The following ADAMTSL1 variants were observed in gnomAD, a reference collection of about 807,000 sequenced individuals.
ADAMTSL1 encodes the protein ADAMTS-like protein 1.
In ADAMTSL1, 126 loss-of-function variants were observed where a neutral mutation model predicts 201.8. The observed-to-expected ratio is 0.62, with a 90% CI of 0.54 to 0.72. The LOEUF is 0.72. ADAMTSL1 is among the 30% of genes least tolerant of loss of function. The pLI is 0.00. For synonymous variants in ADAMTSL1, 1,121 were observed against 903.4 expected (o/e 1.24, Z -4.32); for missense variants, 2,679 against 2,277.8 (o/e 1.18, Z -3.59).
intron 2 of ADAMTSL1, among the ~76,000 whole-genome samples, chr9:18,224,528 GC>G (rs952536484): frequency 6.6e-6 from 1 of 151,836 alleles, no homozygotes; most frequent in Non-Finnish European, 1.5e-5. Flanking sequence ...TCTGCTGCTG[GC>G]CCCCCCAAAT....
chr9:18,528,485 G>A (rs1240598622), intron 2 of ADAMTSL1, among the ~76,000 whole-genome samples: 2 of 152,228 alleles, frequency 1.3e-5, no homozygotes, highest in East Asian at 3.9e-4. Context: ...CCATTAGTTT[G>A]CTGAGGATAA....
intron 14 of ADAMTSL1, among the ~76,000 whole-genome samples, chr9:18,711,169 T>C (rs1383110938): frequency 6.6e-6 from 1 of 152,240 alleles, no homozygotes; most frequent in Non-Finnish European, 1.5e-5. Flanking sequence ...GCACCCACTG[T>C]ATACATGACT....
intron 2 of ADAMTSL1, among the ~76,000 whole-genome samples, chr9:18,199,387 A>T (rs1829334221): frequency 6.6e-6 from 1 of 152,128 alleles, no homozygotes. Context: ...TATTGAAATA[A>T]TGAACCCATC....
chr9:18,399,327 A>ATATATATATT (rs1554672331), intron 2 of ADAMTSL1, among the ~76,000 whole-genome samples: 2 of 113,082 alleles, frequency 1.8e-5, no homozygotes, highest in African/African-American at 7.2e-5. Flanking sequence ...ATATATATAT[A>ATATATATATT]TAAAATTATT....
At chr9:17,981,551 G>A (rs1049339216) in intron 1 of ADAMTSL1, among the ~76,000 whole-genome samples, 6 of 152,014 alleles carry the variant, frequency 3.9e-5, no homozygotes, top group African/African-American at 9.7e-5. Flanking sequence ...AAAATTGTTC[G>A]AGTGAGCCAT....
At chr9:18,807,296 C>G (rs1588142628) in intron 20 of ADAMTSL1, among the ~76,000 whole-genome samples, 1 of 152,132 alleles carries the variant, frequency 6.6e-6, no homozygotes, top group Non-Finnish European at 1.5e-5. Flanking sequence ...TATAAATTAA[C>G]ACTATTCTGT....
Position 18,395,047 on chromosome 9 carries a change from C to T in ADAMTSL1, c.208-109782C>T, listed in dbSNP as rs541997642. On this transcript the variant is annotated intron_variant, in intron 2 of 29. Transcript: ENST00000680146. ...TACCTTTTTGTCTGAGATTTGATGTCCCAACTTGGTAAATAGTGCATTTTT... is the reference window on the plus strand; with the variant it reads ...TACCTTTTTGTCTGAGATTTGATGTTCCAACTTGGTAAATAGTGCATTTTT... Among the ~76,000 whole-genome samples, 48 of 152,244 alleles carry T rather than the reference C, an allele frequency of 3.2e-4. No homozygotes were observed. The South Asian group carries it at 9.3e-3, about 30-fold the overall frequency.
At chr9:18,076,904 C>T (rs1032670830) in intron 1 of ADAMTSL1, among the ~76,000 whole-genome samples, 1 of 152,118 alleles carries the variant, frequency 6.6e-6, no homozygotes, top group East Asian at 1.9e-4. Flanking sequence ...GTGAACCATA[C>T]AAGGTAGTAG....
At chr9:18,057,329 T>C (rs1822239416) in intron 1 of ADAMTSL1, among the ~76,000 whole-genome samples, 1 of 152,194 alleles carries the variant, frequency 6.6e-6, no homozygotes, top group Non-Finnish European at 1.5e-5. Flanking sequence ...ATCTAATTCA[T>C]TTTGGGGAAA....
intron 4 of ADAMTSL1, among the ~76,000 whole-genome samples, chr9:18,591,483 C>G (rs1454611289): frequency 6.6e-6 from 1 of 152,076 alleles, no homozygotes; most frequent in Non-Finnish European, 1.5e-5. Flanking sequence ...CACTCTTTAT[C>G]TTTTAATTGA....
rs1833367608 is a variant in ADAMTSL1, at chr9:18,721,484, CCA to C, written c.1877-42_1877-41del. On this transcript the variant is annotated intron_variant, in intron 14 of 28. Transcript: ENST00000380548. ...TGCCTTGTCTACACTTCATCACCCC[CCA>C]CACACACACCCACTTTGCACTCTGG... 1.2e-4 allele frequency: 190 copies of C among 1,594,912 alleles called. 1 individual carries two copies. In the South Asian group the frequency reaches 1.7e-3, roughly 14 times the overall value.
intron 1 of ADAMTSL1, among the ~76,000 whole-genome samples, chr9:18,009,730 A>G (rs1018675186): frequency 3.9e-5 from 6 of 152,002 alleles, no homozygotes; most frequent in African/African-American, 1.2e-4. Flanking sequence ...TAGGCATTGG[A>G]ATTTAGTGGT....
chr9:18,012,482 G>T (rs1207016525), intron 1 of ADAMTSL1, among the ~76,000 whole-genome samples: 1 of 152,086 alleles, frequency 6.6e-6, no homozygotes, highest in Non-Finnish European at 1.5e-5. Flanking sequence ...TAAAGTGGAG[G>T]CTACTTGCCT....
At chr9:17,976,371 C>G (rs1818449108) in intron 1 of ADAMTSL1, among the ~76,000 whole-genome samples, 1 of 151,676 alleles carries the variant, frequency 6.6e-6, no homozygotes, top group Non-Finnish European at 1.5e-5. Flanking sequence ...GGATATCTTT[C>G]CATTTATTTA....
intron 1 of ADAMTSL1, among the ~76,000 whole-genome samples, chr9:18,124,092 T>C (rs1159999142): frequency 1.4e-5 from 2 of 145,826 alleles, no homozygotes; most frequent in Non-Finnish European, 3.0e-5. Context: ...TTTTTTTTTT[T>C]TTTTTTTTGA....
chr9:18,899,577 G>A (rs1035321873), intron 26 of ADAMTSL1, among the ~76,000 whole-genome samples: 12 of 152,162 alleles, frequency 7.9e-5, no homozygotes, highest in South Asian at 2.1e-4. Flanking sequence ...GGAGGGTACC[G>A]GTATAAGAAC....
intron 2 of ADAMTSL1, among the ~76,000 whole-genome samples, chr9:18,399,817 A>C (rs1483183605): frequency 6.6e-6 from 1 of 152,126 alleles, no homozygotes; most frequent in African/African-American, 2.4e-5. Flanking sequence ...GGTTTCCTAG[A>C]GTTGCCTTTG....
intron 4 of ADAMTSL1, among the ~76,000 whole-genome samples, chr9:18,576,557 C>T (rs1401108438): frequency 4.6e-5 from 7 of 152,168 alleles, no homozygotes; most frequent in Admixed American, 2.0e-4. Flanking sequence ...TCACAGAGTC[C>T]TGGACTTTTT....
chr9:18,684,686 C>G, intron 12 of ADAMTSL1, 30 bp from the exon 13 acceptor site: 1 of 1,606,322 alleles, frequency 6.2e-7, no homozygotes, highest in Non-Finnish European at 8.5e-7. Context: ...CTAACCTCTT[C>G]TTTTGTATGT....
Sources: allele counts gnomAD v4.1 joint callset (sites outside exome capture counted in the v4.1 genomes callset), GRCh38; gene constraint gnomAD v4.1.1; transcripts MANE v1.5; gene names NCBI Gene and HGNC (gene_info 2026-07-23, HGNC 2026-07-21).